Variants in ABCC5 observed in about 807,000 individuals in gnomAD.
ABCC5 encodes the protein ATP-binding cassette sub-family C member 5.
In ABCC5, 61 loss-of-function variants were observed where a neutral mutation model predicts 160.9. The ratio of observed to expected loss-of-function variants is 0.38; its 90% CI spans 0.31 to 0.47. The LOEUF (loss-of-function observed/expected upper bound fraction) is 0.47. Ranked by LOEUF, ABCC5 falls within the 20% of genes least tolerant of loss-of-function variation. ABCC5 has a pLI of 0.99. For missense variants in ABCC5, 1,308 were observed against 1,813.3 expected, an observed-to-expected ratio of 0.72 and a Z score of 5.06; for synonymous variants, 666 against 700.6, an observed-to-expected ratio of 0.95 and a Z score of 0.78.
At chr3:183,979,633 T>G (rs1236303970) in intron 8 of ABCC5, among the ~76,000 whole-genome samples, 1 of 152,072 alleles carries the variant, frequency 6.6e-6, no homozygotes, top group Non-Finnish European at 1.5e-5. Flanking sequence ...CAGGCTGGAG[T>G]GCAGTGGCAC....
Position 183,951,459 on chromosome 3 carries a change from A to C in ABCC5, c.2926T>G (p.Ser976Ala). The C allele has an allele frequency of 1.2e-6, 2 of 1,614,186 alleles. No individual in the cohort carries two copies. The highest frequency in any genetic ancestry group is 1.7e-6 in the Non-Finnish European group (2 of 1,180,026). The change falls in exon 20 of 30, where the codon TCC becomes GCC. Residue 976 changes from serine to alanine, a missense_variant. By Grantham distance (99) the Ser-to-Ala change is moderately conservative. This residue lies in a region of ABCC5 where 1,142 missense variants were observed against 1,527.1 expected (regional missense o/e 0.75). Transcript: ENST00000334444. The surrounding 1 kb of genome is among the most constrained non-coding windows in gnomAD (Gnocchi z 4.7). ...GAAATACCTTCATCCATGTCTTTGG[A>C]AAACCTGTTGAGAATCCTCCCTGTG... ...TPTGRILNRFSKDMDEVDVRL... is the reference protein window; with the variant it reads ...TPTGRILNRFAKDMDEVDVRL...
At position 183,951,309 on chromosome 3, in the gene ABCC5, T is replaced by C; in HGVS notation, c.2944+132A>G. 8.2e-7 allele frequency: 1 copy of C among 1,213,028 alleles called. No homozygotes were observed. Among genetic ancestry groups the C allele is most frequent in the South Asian group, 1.6e-5 (1 of 61,246 alleles). The allele number at this position is 1,213,028 out of a possible 1,614,324, so 75.1% of individuals were successfully genotyped here. A position where few individuals can be genotyped will look rare whatever the true frequency, so the allele number is the denominator to read the frequency against. On this transcript the variant is annotated intron_variant, in intron 20 of 29. Coordinates refer to ENST00000334444, the MANE Select transcript of ABCC5 (RefSeq NM_005688.4). This position sits in a 1 kb window ranked among gnomAD's most constrained non-coding sequence, Gnocchi z 4.7. ...ACAGAAAATGCAGTTGCAATGTTCC[T>C]GGTGAAAACACCAGCAGTCACTGTG...
chr3:183,959,792 T>C lies in ABCC5; in HGVS notation c.2423A>G (p.Gln808Arg). Residue 808 changes from glutamine (Q) to arginine (R), a missense_variant, in exon 17 of 30, where the codon CAA becomes CGA. By Grantham distance (43) the Gln-to-Arg change is conservative. This residue lies in a region of ABCC5 where 1,142 missense variants were observed against 1,527.1 expected (regional missense o/e 0.75). Coordinates refer to ENST00000334444, the MANE Select transcript of ABCC5 (RefSeq NM_005688.4). The stretch of plus-strand genomic sequence containing the variant: ...TGATCCTGTTTTAGGACCCTTGTCT[T>C]GTGACTTCTTCTGTGAACCACTGGT... ...KETSGSQKKSQDKGPKTGSVK... is the reference protein window; with the variant it reads ...KETSGSQKKSRDKGPKTGSVK... The C allele has an allele frequency of 6.2e-7, 1 of 1,613,000 alleles. No individual in the cohort carries two copies.
At chr3:184,009,973 T>C in intron 2 of ABCC5, 1 of 431,736 alleles carries the variant, frequency 2.3e-6, no homozygotes, top group East Asian at 7.3e-5. Context: ...ACAGTGAGAG[T>C]GCCTCTACAA....
chr3:183,976,399 C>T (rs907350350), intron 10 of ABCC5, among the ~76,000 whole-genome samples: 3 of 152,026 alleles, frequency 2.0e-5, no homozygotes, highest in Middle Eastern at 3.4e-3. Flanking sequence ...GGACTGTGGG[C>T]GCACACCACT....
Position 184,002,593 on chromosome 3 carries a change from G to T in ABCC5, c.129+11671C>A, listed in dbSNP as rs535581674. Among the ~76,000 whole-genome samples the T allele has an allele frequency of 3.3e-4, 50 of 152,276 alleles. No homozygotes were observed. The South Asian group carries it at 0.01, about 31-fold the overall frequency. On this transcript the variant is annotated intron_variant, in intron 2 of 29. Coordinates refer to ENST00000334444, the MANE Select transcript of ABCC5 (RefSeq NM_005688.4). ...CTGCGGGCGCTAACGCCATCCTCAG[G>T]CCTCAGATAATCAGCGCACCTATCA...
At chr3:184,003,650 C>T (rs1236952816) in intron 2 of ABCC5, among the ~76,000 whole-genome samples, 1 of 152,162 alleles carries the variant, frequency 6.6e-6, no homozygotes, top group Non-Finnish European at 1.5e-5. Flanking sequence ...ACTCTCAAGC[C>T]GATGATCAGC....
chr3:183,955,965 T>A (rs1715871479), intron 17 of ABCC5, among the ~76,000 whole-genome samples: 1 of 143,450 alleles, frequency 7.0e-6, no homozygotes, highest in African/African-American at 2.6e-5. Flanking sequence ...GATCCGTGTG[T>A]ATATCACATC....
rs200225457 is a variant in ABCC5 at position 183,953,299 on chromosome 3, C to T, written c.2483-29G>A. 3.5e-5 allele frequency: 55 copies of T among 1,571,634 alleles called. No individual in the cohort carries two copies. In the African/African-American group the frequency reaches 7.3e-4, roughly 21 times the overall value. ...GGTAAGAAAAAAAGAAACATGGACT[C>T]AGAAGGGAAGAACTATTTCCATAAA... On this transcript the variant is annotated intron_variant, in intron 17 of 29. Coordinates refer to ENST00000334444, the MANE Select transcript of ABCC5 (RefSeq NM_005688.4).
chr3:183,993,437 T>C, intron 2 of ABCC5, among the ~76,000 whole-genome samples: 1 of 149,072 alleles, frequency 6.7e-6, no homozygotes, highest in Non-Finnish European at 1.5e-5. Flanking sequence ...TGAGTTAAGA[T>C]TGTGCCACTG....
At chr3:184,008,583 G>C (rs1450264545) in intron 2 of ABCC5, among the ~76,000 whole-genome samples, 1 of 152,232 alleles carries the variant, frequency 6.6e-6, no homozygotes, top group East Asian at 1.9e-4. Flanking sequence ...CCCGAAGAAA[G>C]TGGGTAGATG....
At chr3:184,006,897 G>A (rs1485046044) in intron 2 of ABCC5, among the ~76,000 whole-genome samples, 2 of 151,802 alleles carry the variant, frequency 1.3e-5, no homozygotes, top group Non-Finnish European at 2.9e-5. Context: ...CCTAGACACA[G>A]GATATTCTAA....
intron 24 of ABCC5, among the ~76,000 whole-genome samples, chr3:183,945,583 G>T (rs918575672): frequency 5.9e-5 from 9 of 152,210 alleles, no homozygotes; most frequent in Non-Finnish European, 1.2e-4. Flanking sequence ...TGCTCCATTA[G>T]TCAGTTAAGC....
chr3:183,987,921 A>C lies in ABCC5; in HGVS notation c.444-4T>G. On this transcript the variant is annotated splice_region_variant and splice_polypyrimidine_tract_variant and intron_variant, in intron 4 of 29. Coordinates refer to ENST00000334444, the MANE Select transcript of ABCC5 (RefSeq NM_005688.4). The surrounding 1 kb of genome is among the most constrained non-coding windows in gnomAD (Gnocchi z 4.2). ...TTCTTGCCACAGTCTCTCTAGTCTT[A>C]ACAAGGGCACACGTCCTCGTTACAC... 6.2e-7 allele frequency: 1 copy of C among 1,613,816 alleles called. No individual in the cohort carries two copies. The highest frequency in any genetic ancestry group is 8.5e-7 in the Non-Finnish European group (1 of 1,179,952).
intron 17 of ABCC5, among the ~76,000 whole-genome samples, chr3:183,959,052 TACACACAC>T (rs59592606): frequency 1.4e-4 from 21 of 148,160 alleles, no homozygotes; most frequent in South Asian, 1.3e-3. Context: ...ATCTATACAG[TACACACAC>T]ACACACACAC....
chr3:183,968,696 T>C (rs1717455871), intron 11 of ABCC5, among the ~76,000 whole-genome samples: 1 of 152,124 alleles, frequency 6.6e-6, no homozygotes, highest in African/African-American at 2.4e-5. Context: ...ACAGATGACT[T>C]CAAAAGGGTC....
chr3:183,920,304 T>A lies in ABCC5; in HGVS notation c.*996A>T, dbSNP rs995754963. ...AAAGGAAAACAGACCCACGAAATCC[T>A]GAGCCCTGCCACTGAACTGTGGAGG... is the stretch of plus-strand genomic sequence containing the variant. On this transcript the variant is annotated 3_prime_UTR_variant, in exon 30 of 30. Transcript: ENST00000334444. This position sits in a 1 kb window ranked among gnomAD's most constrained non-coding sequence, Gnocchi z 4.1. 3.9e-5 allele frequency: 6 copies of A among 152,672 alleles called. No homozygotes were observed. Among genetic ancestry groups the A allele is most frequent in the African/African-American group, 1.2e-4 (5 of 41,456 alleles). 9.5% of individuals were successfully genotyped at this position (152,672 alleles called of 1,614,324 possible).
At chr3:184,003,508 A>G (rs1245830819) in intron 2 of ABCC5, among the ~76,000 whole-genome samples, 1 of 152,228 alleles carries the variant, frequency 6.6e-6, no homozygotes, top group Non-Finnish European at 1.5e-5. Context: ...GAAGAAGCAG[A>G]ATACAAAAGA....
At position 183,989,335 on chromosome 3, in the gene ABCC5, A is replaced by G; in HGVS notation, c.178T>C (p.Ser60Pro). The G allele has an allele frequency of 6.2e-7, 1 of 1,614,064 alleles. No homozygotes were observed. Among genetic ancestry groups the G allele is most frequent in the Non-Finnish European group, 8.5e-7 (1 of 1,179,992 alleles). ...LETAARAEGL[S>P]LDASMHSQLR... ...TGAGAATGCATGGAGGCATCAAGAG[A>G]GAGGCCCTCGGCTCGGGCTGCTGTT... The change falls in exon 3 of 30, where the codon TCT becomes CCT. Residue 60 changes from serine to proline, a missense_variant. By Grantham distance (74) the Ser-to-Pro change is moderately conservative (BLOSUM62 -1). This residue lies in a region of ABCC5 where 1,142 missense variants were observed against 1,527.1 expected (regional missense o/e 0.75). Coordinates refer to ENST00000334444, the MANE Select transcript of ABCC5 (RefSeq NM_005688.4).
Sources: allele counts gnomAD v4.1 joint callset (sites outside exome capture counted in the v4.1 genomes callset), GRCh38; gene constraint gnomAD v4.1.1; regional missense constraint gnomAD v4.1.1; non-coding constraint Gnocchi (gnomAD v3.1); transcripts MANE v1.5; gene names NCBI Gene and HGNC (gene_info 2026-07-23, HGNC 2026-07-21).